Variants in CPA3 observed in about 807,000 individuals in gnomAD.
The protein encoded by CPA3 is carboxypeptidase A3, also known as mast cell carboxypeptidase A.
A neutral mutation model predicts 55.8 loss-of-function variants in CPA3; 52 were observed. The ratio of observed to expected loss-of-function variants is 0.93; its 90% CI spans 0.75 to 1.17. The LOEUF is 1.17. Ranked by LOEUF, CPA3 falls within the 50% of genes most tolerant of loss-of-function variation. The pLI, the probability that CPA3 is intolerant of heterozygous loss-of-function variation, is 0.00. For missense variants in CPA3, 547 were observed against 509.1 expected (o/e 1.07, Z -0.72); for synonymous variants, 179 against 171.2 (o/e 1.05, Z -0.36).
intron 10 of CPA3, among the ~76,000 whole-genome samples, chr3:148,889,045 G>A (rs1714602959): frequency 6.6e-6 from 1 of 152,190 alleles, no homozygotes; most frequent in African/African-American, 2.4e-5. Flanking sequence ...TAACTGTGCA[G>A]CATTATTTAA....
Position 148,878,455 on chromosome 3 carries a change from A to G in CPA3, c.284A>G (p.Asp95Gly), listed in dbSNP as rs769681649. ...CTGTCAAACAGAATCTTGATTCATG[A>G]TCTACAAGAAGAGATTGAGAAACAG... ...NKMHYEILIHDLQEEIEKQFD... is the reference protein window; with the variant it reads ...NKMHYEILIHGLQEEIEKQFD... The change falls in exon 4 of 11, where the codon GAT becomes GGT. Residue 95 changes from aspartate to glycine, a missense_variant. Transcript: ENST00000296046. 1 of 1,609,030 alleles carries G rather than the reference A, an allele frequency of 6.2e-7. No individual in the cohort carries two copies. The highest frequency in any genetic ancestry group is 1.1e-5 in the South Asian group (1 of 90,920).
At chr3:148,871,371 G>A (rs1714062886) in intron 3 of CPA3, among the ~76,000 whole-genome samples, 1 of 152,190 alleles carries the variant, frequency 6.6e-6, no homozygotes, top group Non-Finnish European at 1.5e-5. Context: ...GCAAGGTAAA[G>A]AATTAGGTAT....
intron 10 of CPA3, among the ~76,000 whole-genome samples, chr3:148,893,311 T>C (rs1192295811): frequency 1.4e-5 from 2 of 143,078 alleles, no homozygotes; most frequent in African/African-American, 2.6e-5. Context: ...GAAACTATCA[T>C]CAAAGAAATA....
At chr3:148,891,858 A>G (rs892945743) in intron 10 of CPA3, among the ~76,000 whole-genome samples, 4 of 152,158 alleles carry the variant, frequency 2.6e-5, no homozygotes, top group African/African-American at 9.7e-5. Context: ...ACATATCCTA[A>G]ATTACAAGAC....
chr3:148,880,886 A>ATGTG (rs1156842245), intron 6 of CPA3, among the ~76,000 whole-genome samples: 2 of 152,118 alleles, frequency 1.3e-5, no homozygotes, highest in Non-Finnish European at 2.9e-5. Flanking sequence ...CCTACTCAAC[A>ATGTG]CATAAAGGAA....
At chr3:148,892,172 CA>C (rs1306304106) in intron 10 of CPA3, among the ~76,000 whole-genome samples, 1 of 152,130 alleles carries the variant, frequency 6.6e-6, no homozygotes, top group Non-Finnish European at 1.5e-5. Context: ...AAATAGGGTA[CA>C]ATATATGGAT....
In CPA3 at chr3:148,865,549, GT is replaced by G; in HGVS notation, c.144+2del. On this transcript the variant is annotated splice_donor_variant, in intron 2 of 10. Transcript: ENST00000296046. LOFTEE classifies it high-confidence loss of function. ...AAAGGACTTGGCCAAAACCAATGAG[GT>G]AAGCATTTAGAGGGATATTTTATCT... is the stretch of plus-strand genomic sequence containing the variant. 1 of 1,612,598 alleles carries G rather than the reference GT, an allele frequency of 6.2e-7. No homozygotes were observed. The highest frequency in any genetic ancestry group is 2.2e-5 in the East Asian group (1 of 44,828).
chr3:148,883,428 CA>C, intron 8 of CPA3, among the ~76,000 whole-genome samples, 184 bp from the exon 9 acceptor site: 1 of 152,312 alleles, frequency 6.6e-6, no homozygotes, highest in Middle Eastern at 3.4e-3. Flanking sequence ...AAGTCTGTTA[CA>C]ATCTGGCATG....
chr3:148,886,169 C>A lies in CPA3; in HGVS notation c.1058C>A (p.Ser353Ter). The change falls in exon 10 of 11, where the codon TCA (serine) becomes TAA (stop). Residue 353 changes from serine to a stop codon, truncating the protein, a stop_gained. Coordinates refer to ENST00000296046, the MANE Select transcript of CPA3 (RefSeq NM_001870.4). LOFTEE classifies it high-confidence loss of function. ...ETRYIYGPIE[S>*]TIYPISGSSL... ...CGCTACATCTATGGCCCAATAGAAT[C>A]AACAATTTGTAAGTCATTCCTCTTA... The A allele has an allele frequency of 8.7e-6, 14 of 1,605,134 alleles. No homozygotes were observed. Among genetic ancestry groups the A allele is most frequent in the Non-Finnish European group, 1.2e-5 (14 of 1,173,066 alleles).
At chr3:148,882,639 A>G (rs1193650601) in intron 8 of CPA3, 44 bp downstream of exon 8, 2 of 1,501,994 alleles carry the variant, frequency 1.3e-6, no homozygotes, top group Non-Finnish European at 9.2e-7. Context: ...TATAAGGAAT[A>G]TTTAGGTCCC....
rs1309714638 is a variant in CPA3, at chr3:148,896,995, T to G, written c.*288T>G. On this transcript the variant is annotated 3_prime_UTR_variant, in exon 11 of 11. Transcript: ENST00000296046. ...TATACAGTGGGGCACAGAAAACAAATGAAAACCTTCAGTTTCTCACAGATT... is the reference window on the plus strand; with the variant it reads ...TATACAGTGGGGCACAGAAAACAAAGGAAAACCTTCAGTTTCTCACAGATT... 1.2e-5 allele frequency: 3 copies of G among 246,480 alleles called. No homozygotes were observed. The highest frequency in any genetic ancestry group is 4.5e-5 in the African/African-American group (2 of 44,920). The allele number at this position is 246,480 out of a possible 1,614,324, so 15.3% of individuals were successfully genotyped here. A position where few individuals can be genotyped will look rare whatever the true frequency, so the allele number is the denominator to read the frequency against.
rs764581661 is a variant in CPA3, at chr3:148,865,528, G to A, written c.124G>A (p.Asp42Asn). The A allele has an allele frequency of 1.4e-5, 23 of 1,613,818 alleles. No homozygotes were observed. In the South Asian group the frequency reaches 2.4e-4, roughly 17 times the overall value. The change falls in exon 2 of 11, where the codon GAC (aspartate) becomes AAC (asparagine). Residue 42 changes from aspartate to asparagine, a missense_variant. Transcript: ENST00000296046. Reference protein sequence around the residue: ...QDEKQADIIKDLAKTNELDFW... With the variant: ...QDEKQADIIKNLAKTNELDFW... ...TGAAAAACAAGCAGACATCATAAAG[G>A]ACTTGGCCAAAACCAATGAGGTAAG...
chr3:148,869,120 A>G, intron 3 of CPA3, 81 bp downstream of exon 3: 1 of 1,500,980 alleles, frequency 6.7e-7, no homozygotes, highest in Non-Finnish European at 9.0e-7. Flanking sequence ...ATTACAATGG[A>G]CCTATTTTTA....
In CPA3 at chr3:148,881,390, C is replaced by T. The variant is rs569652149; in HGVS notation, c.577-132C>T. 3.9e-4 allele frequency: 226 copies of T among 577,728 alleles called. 2 individuals carry two copies. In the South Asian group the frequency reaches 4.8e-3, roughly 12 times the overall value. 35.8% of individuals were successfully genotyped at this position (577,728 alleles called of 1,614,324 possible). Reference sequence around the variant, plus strand: ...ACTATATGGATTGTTTATTTTTGTTCATTTTAGGGAAAATATGCTTGAAAA... The same window carrying T: ...ACTATATGGATTGTTTATTTTTGTTTATTTTAGGGAAAATATGCTTGAAAA... On this transcript the variant is annotated intron_variant, in intron 6 of 10. Transcript: ENST00000296046.
At chr3:148,876,027 G>A (rs1176666690) in intron 3 of CPA3, among the ~76,000 whole-genome samples, 1 of 151,780 alleles carries the variant, frequency 6.6e-6, no homozygotes, top group African/African-American at 2.4e-5. Flanking sequence ...TATAGATATT[G>A]GCAGAAGAAA....
intron 3 of CPA3, among the ~76,000 whole-genome samples, chr3:148,876,778 G>T (rs796382266): frequency 4.6e-5 from 7 of 152,126 alleles, no homozygotes; most frequent in African/African-American, 1.7e-4. Flanking sequence ...AATATGATTT[G>T]GTTTCTATTA....
chr3:148,878,304 A>T, intron 3 of CPA3, 137 bp from the exon 4 acceptor site: 1 of 682,820 alleles, frequency 1.5e-6, no homozygotes, highest in South Asian at 1.7e-5. Flanking sequence ...GGAGATAGCT[A>T]GAGGAGAATA....
At chr3:148,896,014 G>A (rs1014830354) in intron 10 of CPA3, among the ~76,000 whole-genome samples, 3 of 152,106 alleles carry the variant, frequency 2.0e-5, no homozygotes, top group Non-Finnish European at 4.4e-5. Flanking sequence ...TTTTGAATTA[G>A]GAGATTAAAT....
chr3:148,866,876 C>T (rs978481170), intron 2 of CPA3, among the ~76,000 whole-genome samples: 4 of 152,166 alleles, frequency 2.6e-5, no homozygotes, highest in South Asian at 2.1e-4. Flanking sequence ...CCTGCCTCAG[C>T]CTCCCTATTA....
Sources: allele counts gnomAD v4.1 joint callset (sites outside exome capture counted in the v4.1 genomes callset), GRCh38; gene constraint gnomAD v4.1.1; transcripts MANE v1.5; gene names NCBI Gene and HGNC (gene_info 2026-07-23, HGNC 2026-07-21).